Variants in PLCH1 observed in about 807,000 individuals in gnomAD.
PLCH1 encodes the protein 1-phosphatidylinositol 4,5-bisphosphate phosphodiesterase eta-1.
Under a neutral mutation model 126.7 loss-of-function variants are expected in PLCH1, and 60 were observed. That is an observed-to-expected ratio of 0.47 (90% CI 0.38 to 0.59). The LOEUF (loss-of-function observed/expected upper bound fraction) is 0.59. Ranked by LOEUF, PLCH1 falls within the 20% of genes least tolerant of loss-of-function variation. The pLI, the probability that PLCH1 is intolerant of heterozygous loss-of-function variation, is 0.00. For missense variants in PLCH1, 1,723 were observed against 2,040.0 expected (o/e 0.84, Z 2.99); for synonymous variants, 719 against 734.9 (o/e 0.98, Z 0.35).
intron 22 of PLCH1, among the ~76,000 whole-genome samples, chr3:155,484,269 C>A (rs1326547452): frequency 5.3e-5 from 8 of 152,116 alleles, no homozygotes; most frequent in South Asian, 2.1e-4. Context: ...ACAGATAGAA[C>A]CAATTTCTAC....
intron 2 of PLCH1, among the ~76,000 whole-genome samples, chr3:155,621,611 G>A (rs1031046235): frequency 2.6e-5 from 4 of 152,170 alleles, no homozygotes; most frequent in Non-Finnish European, 4.4e-5. Context: ...ACTTCGTGAA[G>A]CATACACAAG....
In PLCH1 at chr3:155,481,516, G is replaced by T. The variant is rs1398797917; in HGVS notation, c.4510C>A (p.Gln1504Lys). The T allele has an allele frequency of 6.2e-7, 1 of 1,614,018 alleles. No individual in the cohort carries two copies. The highest frequency in any genetic ancestry group is 1.7e-5 in the Admixed American group (1 of 60,012). ...GTAACAAAACTCTTACTAATACACT[G>T]GTACTTGCTCTCAAAATTGCAGGCA... ...DIACNFESKY[Q>K]CISKSFVTTG... is the part of the protein sequence containing the mutation. Residue 1504 changes from glutamine to lysine, a missense_variant, in exon 23 of 23, where the codon CAG (glutamine) becomes AAG (lysine). Physicochemically the swap from Gln to Lys is moderately conservative, Grantham distance 53. This residue lies in a region of PLCH1 where 947 missense variants were observed against 977.1 expected (regional missense o/e 0.97). Coordinates refer to ENST00000460012, the MANE Select transcript of PLCH1 (RefSeq NM_014996.4). This position sits in a 1 kb window ranked among gnomAD's most constrained non-coding sequence, Gnocchi z 4.2.
At chr3:155,517,490 C>A (rs78179140) in intron 11 of PLCH1, among the ~76,000 whole-genome samples, 1,626 of 152,236 alleles carry the variant, frequency 0.011, 31 homozygotes, top group African/African-American at 0.038. Flanking sequence ...TTCCTTGCCT[C>A]TTCCAGCTTA....
intron 2 of PLCH1, among the ~76,000 whole-genome samples, chr3:155,696,940 G>T (rs1239209427): frequency 6.6e-6 from 1 of 152,194 alleles, no homozygotes; most frequent in Non-Finnish European, 1.5e-5. Flanking sequence ...AAGCTTCAAA[G>T]AATGAACACT....
intron 2 of PLCH1, among the ~76,000 whole-genome samples, chr3:155,620,953 T>G (rs1044787010): frequency 1.3e-5 from 2 of 152,164 alleles, no homozygotes; most frequent in East Asian, 1.9e-4. Context: ...CTGACCCCCA[T>G]GTATCCTGAC....
At chr3:155,653,176 GATATAGATATAGAT>G (rs1342712829) in intron 2 of PLCH1, among the ~76,000 whole-genome samples, 5 of 109,840 alleles carry the variant, frequency 4.6e-5, no homozygotes, top group African/African-American at 1.7e-4. Flanking sequence ...TATAGATATA[GATATAGATATAGAT>G]ATATAGATAT....
At chr3:155,703,320 C>G (rs1236177995) in intron 2 of PLCH1, among the ~76,000 whole-genome samples, 2 of 152,162 alleles carry the variant, frequency 1.3e-5, no homozygotes, top group South Asian at 4.1e-4. Flanking sequence ...AAAGAGCACT[C>G]CACTCCCCCT....
At position 155,497,715 on chromosome 3, in the gene PLCH1, G is replaced by T. The variant is rs144715028; in HGVS notation, c.1797-298C>A. ...AATTTCAGAAATAAACAATTCATGA[G>T]ATTTTTTTTCTTTTTTTGAGACAGA... On this transcript the variant is annotated intron_variant, in intron 14 of 22. Coordinates refer to ENST00000460012, the MANE Select transcript of PLCH1 (RefSeq NM_014996.4). 6.2e-3 allele frequency among the ~76,000 whole-genome samples: 936 copies of T among 152,114 alleles called. 8 individuals carry two copies. The highest frequency in any genetic ancestry group is 0.022 in the African/African-American group (903 of 41,498).
intron 2 of PLCH1, among the ~76,000 whole-genome samples, chr3:155,641,081 A>G (rs181784275): frequency 1.3e-5 from 2 of 152,212 alleles, no homozygotes; most frequent in East Asian, 3.9e-4. Flanking sequence ...TTAGGTACTG[A>G]AATGGAGACT....
At chr3:155,629,305 C>A (rs982787040) in intron 2 of PLCH1, among the ~76,000 whole-genome samples, 5 of 152,098 alleles carry the variant, frequency 3.3e-5, no homozygotes, top group Admixed American at 3.3e-4. Context: ...AAGGAATTTG[C>A]GTTTCTACAC....
rs142932295 is a variant in PLCH1 at position 155,601,902 on chromosome 3, A to T, written c.80-5524T>A. ...CACTGACCTACTTTCTATCTCAATA[A>T]ATGGGCCCTTCCTGGATAGTTCATG... On this transcript the variant is annotated intron_variant, in intron 2 of 22. Coordinates refer to ENST00000460012, the MANE Select transcript of PLCH1 (RefSeq NM_014996.4). 4.1e-4 allele frequency among the ~76,000 whole-genome samples: 63 copies of T among 152,228 alleles called. 1 individual carries two copies. In the East Asian group the frequency reaches 9.7e-3, roughly 23 times the overall value.
chr3:155,692,480 ATGG>A (rs1745466225), intron 2 of PLCH1, among the ~76,000 whole-genome samples: 1 of 152,090 alleles, frequency 6.6e-6, no homozygotes, highest in African/African-American at 2.4e-5. Context: ...GGATGGATGG[ATGG>A]ATGGAAACAT....
At chr3:155,571,655 TC>T (rs1391793824) in intron 6 of PLCH1, among the ~76,000 whole-genome samples, 4 of 152,252 alleles carry the variant, frequency 2.6e-5, no homozygotes, top group Non-Finnish European at 5.9e-5. Flanking sequence ...CACCTCGGCC[TC>T]CCAAAGTACT....
intron 1 of PLCH1, among the ~76,000 whole-genome samples, chr3:155,734,612 G>T (rs1316854435): frequency 2.0e-5 from 3 of 152,062 alleles, no homozygotes; most frequent in African/African-American, 4.8e-5. Context: ...GTTCAGAATA[G>T]CGAAGTTATG....
chr3:155,566,340 C>CACATATATAT (rs1220078181), intron 7 of PLCH1, among the ~76,000 whole-genome samples: 2,599 of 8,346 alleles, frequency 0.31, 952 homozygotes, highest in African/African-American at 0.43. Flanking sequence ...CGTATATATA[C>CACATATATAT]ACATATATAT....
chr3:155,698,606 T>C (rs1352959371), intron 2 of PLCH1, among the ~76,000 whole-genome samples: 1 of 152,206 alleles, frequency 6.6e-6, no homozygotes. Flanking sequence ...TTTCTTAAAA[T>C]TTTAGTGCTT....
chr3:155,549,172 C>A (rs1265685907), intron 10 of PLCH1, among the ~76,000 whole-genome samples: 1 of 152,154 alleles, frequency 6.6e-6, no homozygotes, highest in African/African-American at 2.4e-5. Context: ...TCTGGCTATT[C>A]TTTGCATGAA....
intron 21 of PLCH1, among the ~76,000 whole-genome samples, chr3:155,464,938 G>A (rs969324833): frequency 7.3e-5 from 11 of 151,690 alleles, no homozygotes; most frequent in African/African-American, 2.2e-4. Flanking sequence ...GTGAAACCCC[G>A]TCTCTACTAA....
At chr3:155,643,436 T>C (rs1230470432) in intron 2 of PLCH1, among the ~76,000 whole-genome samples, 1 of 152,198 alleles carries the variant, frequency 6.6e-6, no homozygotes, top group Non-Finnish European at 1.5e-5. Context: ...TACCCTGAGA[T>C]AGAATCACCT....
Sources: gnomAD v4.1 joint callset for allele counts (sites outside exome capture counted in the v4.1 genomes callset) on GRCh38, gnomAD v4.1.1 for gene constraint, gnomAD v4.1.1 regional missense constraint, Gnocchi (gnomAD v3.1) non-coding constraint, MANE v1.5 for transcripts, NCBI Gene and HGNC (gene_info 2026-07-23, HGNC 2026-07-21) for gene names.